The following LRP1B variants were observed in gnomAD, a reference collection of about 807,000 sequenced individuals.
LRP1B encodes low-density lipoprotein receptor-related protein 1B.
Under a neutral mutation model 556.6 loss-of-function variants are expected in LRP1B, and 217 were observed. The ratio of observed to expected loss-of-function variants is 0.39; its 90% CI spans 0.35 to 0.44. LRP1B has a LOEUF of 0.44. Among genes scored for constraint, LRP1B ranks in the 20% least tolerant of loss-of-function variants. The pLI is 1.00. For synonymous variants in LRP1B, 2,047 were observed against 1,865.8 expected, an observed-to-expected ratio of 1.10 and a Z score of -2.50; for missense variants, 5,053 against 5,620.8, an observed-to-expected ratio of 0.90 and a Z score of 3.23.
At chr2:141,517,259 T>TACACACACACACACACACACATAC (rs71281835) in intron 2 of LRP1B, among the ~76,000 whole-genome samples, 14 of 141,454 alleles carry the variant, frequency 9.9e-5, no homozygotes, top group East Asian at 2.2e-4. Flanking sequence ...AGGACAAGAA[T>TACACACACACACACACACACATAC]ACGCACACAC....
At chr2:141,951,877 G>A (rs1363129084) in intron 1 of LRP1B, among the ~76,000 whole-genome samples, 1 of 151,854 alleles carries the variant, frequency 6.6e-6, no homozygotes, top group Non-Finnish European at 1.5e-5. Flanking sequence ...AGTTTCTAGG[G>A]TACATGTGTA....
intron 2 of LRP1B, among the ~76,000 whole-genome samples, chr2:141,628,598 C>T (rs1433442743): frequency 6.6e-6 from 1 of 152,020 alleles, no homozygotes; most frequent in East Asian, 1.9e-4. Context: ...GCAAGGTTGC[C>T]TACAGTGGAG....
At chr2:141,640,517 T>C (rs1368383578) in intron 2 of LRP1B, among the ~76,000 whole-genome samples, 1 of 152,084 alleles carries the variant, frequency 6.6e-6, no homozygotes, top group Non-Finnish European at 1.5e-5. Context: ...CTGGGCACGG[T>C]GACTAGGCTG....
intron 2 of LRP1B, among the ~76,000 whole-genome samples, chr2:141,657,100 C>T (rs759097919): frequency 6.6e-6 from 1 of 151,984 alleles, no homozygotes; most frequent in Non-Finnish European, 1.5e-5. Flanking sequence ...TTTAGTTCTA[C>T]TGATTTTAGG....
chr2:141,614,360 C>T (rs1465461188), intron 2 of LRP1B, among the ~76,000 whole-genome samples: 1 of 152,090 alleles, frequency 6.6e-6, no homozygotes, highest in Non-Finnish European at 1.5e-5. Context: ...ATACTCATCA[C>T]CATCTATAAT....
At chr2:140,550,762 T>C (rs758324002) in intron 43 of LRP1B, among the ~76,000 whole-genome samples, 3 of 152,156 alleles carry the variant, frequency 2.0e-5, no homozygotes, top group Non-Finnish European at 4.4e-5. Flanking sequence ...AGAGATAGCA[T>C]GTCATTTCCT....
intron 59 of LRP1B, among the ~76,000 whole-genome samples, chr2:140,482,482 G>A (rs1688285374): frequency 6.6e-6 from 1 of 151,602 alleles, no homozygotes; most frequent in African/African-American, 2.4e-5. Flanking sequence ...AATATTGAAG[G>A]TAAATTATTT....
chr2:140,594,128 C>T (rs905281184), intron 43 of LRP1B, among the ~76,000 whole-genome samples: 2 of 152,058 alleles, frequency 1.3e-5, no homozygotes, highest in African/African-American at 4.8e-5. Context: ...GCCACCATGC[C>T]CGGCTAATTT....
At chr2:141,159,620 A>C (rs957103839) in intron 7 of LRP1B, among the ~76,000 whole-genome samples, 17 of 152,146 alleles carry the variant, frequency 1.1e-4, no homozygotes, top group African/African-American at 4.1e-4. Flanking sequence ...TGGAAAAATT[A>C]AGTGTTGCCT....
chr2:142,084,683 C>T (rs1049867840), intron 1 of LRP1B, among the ~76,000 whole-genome samples: 4 of 152,118 alleles, frequency 2.6e-5, no homozygotes, highest in African/African-American at 4.8e-5. Context: ...ATAACATCTC[C>T]GTCCTTATCA....
At chr2:141,287,234 C>G (rs1685754477) in intron 3 of LRP1B, among the ~76,000 whole-genome samples, 1 of 151,926 alleles carries the variant, frequency 6.6e-6, no homozygotes, top group Non-Finnish European at 1.5e-5. Flanking sequence ...TCTCATTCTG[C>G]CATTCTCATT....
At chr2:140,699,145 G>A (rs374972856) in intron 41 of LRP1B, among the ~76,000 whole-genome samples, 17 of 151,942 alleles carry the variant, frequency 1.1e-4, no homozygotes, top group African/African-American at 3.4e-4. Flanking sequence ...ATACAGGCTT[G>A]GATAGCTATA....
chr2:140,990,074 G>T (rs1036267375), intron 16 of LRP1B, among the ~76,000 whole-genome samples: 2 of 152,038 alleles, frequency 1.3e-5, no homozygotes, highest in Non-Finnish European at 2.9e-5. Context: ...AGGCATGGTG[G>T]CGCATGCCTG....
intron 2 of LRP1B, among the ~76,000 whole-genome samples, chr2:141,790,914 T>C (rs2105661439): frequency 6.6e-6 from 1 of 152,128 alleles, no homozygotes; most frequent in Non-Finnish European, 1.5e-5. Context: ...ACTAATGTTA[T>C]ATGCATTACA....
intron 1 of LRP1B, among the ~76,000 whole-genome samples, chr2:142,107,447 C>T (rs539329827): frequency 3.4e-4 from 52 of 152,082 alleles, no homozygotes; most frequent in East Asian, 1.5e-3. Flanking sequence ...TATGGGCTGA[C>T]GCAGCAAAAG....
intron 15 of LRP1B, among the ~76,000 whole-genome samples, chr2:141,000,720 A>G (rs1330399768): frequency 1.3e-5 from 2 of 152,130 alleles, no homozygotes; most frequent in East Asian, 1.9e-4. Context: ...ATTGATATAT[A>G]TAACAATTCA....
At chr2:141,177,223 C>A (rs1207684483) in intron 7 of LRP1B, among the ~76,000 whole-genome samples, 1 of 152,040 alleles carries the variant, frequency 6.6e-6, no homozygotes, top group Admixed American at 6.6e-5. Context: ...CAATGACTAC[C>A]TGGAGAAAAG....
chr2:140,973,052 T>TTATTTATA (rs1696481444), intron 18 of LRP1B, among the ~76,000 whole-genome samples: 1 of 138,578 alleles, frequency 7.2e-6, no homozygotes, highest in South Asian at 2.3e-4. Flanking sequence ...ATATTTCATT[T>TTATTTATA]TATATATATA....
chr2:141,926,595 C>G (rs1170368851), intron 1 of LRP1B, among the ~76,000 whole-genome samples: 1 of 152,148 alleles, frequency 6.6e-6, no homozygotes, highest in Non-Finnish European at 1.5e-5. Flanking sequence ...TATAATCTTT[C>G]AGCAAGTGTC....
Sources: allele counts gnomAD v4.1 joint callset (sites outside exome capture counted in the v4.1 genomes callset), GRCh38; gene constraint gnomAD v4.1.1; transcripts MANE v1.5; gene names NCBI Gene and HGNC (gene_info 2026-07-23, HGNC 2026-07-21).